PLXNA1: variants seen among roughly 807,000 people sequenced by gnomAD.
PLXNA1 encodes the protein plexin-A1.
Under a neutral mutation model 191.7 loss-of-function variants are expected in PLXNA1, and 77 were observed. The ratio of observed to expected loss-of-function variants is 0.40; its 90% CI spans 0.33 to 0.49. The LOEUF is 0.49. Among genes scored for constraint, PLXNA1 ranks in the 20% least tolerant of loss-of-function variants. The pLI, the probability that PLXNA1 is intolerant of heterozygous loss-of-function variation, is 0.63. For synonymous variants in PLXNA1, 1,137 were observed against 1,156.4 expected (o/e 0.98, Z 0.34); for missense variants, 2,110 against 2,660.2 (o/e 0.79, Z 4.55).
At chr3:127,013,940 C>G (rs2079108100) in intron 10 of PLXNA1, 80 bp from the exon 11 acceptor site, 2 of 1,293,496 alleles carry the variant, frequency 1.5e-6, no homozygotes, top group Admixed American at 3.4e-5. Context: ...AGCTGGCGCC[C>G]TGGTGGCTTT....
intron 1 of PLXNA1, among the ~76,000 whole-genome samples, chr3:126,986,902 C>T (rs901357076): frequency 6.6e-6 from 1 of 152,164 alleles, no homozygotes; most frequent in South Asian, 2.1e-4. Context: ...CTCAGCTTCC[C>T]CATCTGTAAA....
intron 27 of PLXNA1, 40 bp from the exon 28 acceptor site, chr3:127,029,834 G>A: frequency 1.3e-6 from 2 of 1,537,668 alleles, no homozygotes; most frequent in African/African-American, 1.4e-5. Flanking sequence ...GGGGGTGCGG[G>A]GTGCCAGCCA....
rs189976881 is a variant in PLXNA1, at chr3:127,025,633, A to G, written c.4363-2307A>G. ...TCCTTCCTCCCCAGCCCCTGGAACC[A>G]TTCTACTCTCTGTCTCTGTGAATCT... is the stretch of plus-strand genomic sequence containing the variant. On this transcript the variant is annotated intron_variant, in intron 23 of 31. Coordinates refer to ENST00000393409, the MANE Select transcript of PLXNA1 (RefSeq NM_032242.4). 3.0e-4 allele frequency among the ~76,000 whole-genome samples: 46 copies of G among 152,306 alleles called. 1 individual carries two copies. In the East Asian group the frequency reaches 7.9e-3, roughly 26 times the overall value.
At chr3:127,032,085 G>A (rs1468096045) in intron 29 of PLXNA1, 2 of 392,042 alleles carry the variant, frequency 5.1e-6, no homozygotes, top group Non-Finnish European at 4.8e-6. Flanking sequence ...GAGGGTGGTG[G>A]CTGTGTGGAG....
chr3:127,020,474 A>G (rs1278703385), intron 21 of PLXNA1, 130 bp downstream of exon 21: 1 of 1,191,484 alleles, frequency 8.4e-7, no homozygotes, highest in South Asian at 1.5e-5. Context: ...CCAGGCCTGC[A>G]GGGCTCTGGG....
At chr3:127,005,281 C>T in intron 7 of PLXNA1, 38 bp downstream of exon 7, 1 of 1,573,500 alleles carries the variant, frequency 6.4e-7, no homozygotes, top group South Asian at 1.2e-5. Flanking sequence ...GCTGCCTGGC[C>T]AGGTCCAGGG....
rs1379909923 is a variant in PLXNA1, at chr3:126,989,227, G to C, written c.634G>C (p.Asp212His). The C allele has an allele frequency of 6.2e-7, 1 of 1,613,654 alleles. No individual in the cohort carries two copies. The highest frequency in any genetic ancestry group is 1.1e-5 in the South Asian group (1 of 91,090). ...CCGTCGGCTCATGGCCAACGAGGAGGATGCCGACATGTTCGGCTTCGTGTA... is the reference window on the plus strand; with the variant it reads ...CCGTCGGCTCATGGCCAACGAGGAGCATGCCGACATGTTCGGCTTCGTGTA... Reference protein sequence around the residue: ...SSRRLMANEEDADMFGFVYQD... With the variant: ...SSRRLMANEEHADMFGFVYQD... Residue 212 changes from aspartate (D) to histidine (H), a missense_variant, in exon 2 of 32, where the codon GAT becomes CAT. This residue lies in a region of PLXNA1 where 903 missense variants were observed against 1,015.7 expected (regional missense o/e 0.89). Transcript: ENST00000393409.
chr3:127,009,636 C>T (rs759943679), intron 9 of PLXNA1, among the ~76,000 whole-genome samples: 5 of 145,612 alleles, frequency 3.4e-5, no homozygotes, highest in Non-Finnish European at 4.5e-5. Flanking sequence ...GAGTGTACTA[C>T]ATTCAGCTTC....
chr3:127,001,805 C>T (rs2079042123), intron 3 of PLXNA1, among the ~76,000 whole-genome samples: 1 of 152,232 alleles, frequency 6.6e-6, no homozygotes, highest in Non-Finnish European at 1.5e-5. Flanking sequence ...TCATATAATC[C>T]TCAGAACAAC....
chr3:126,983,749 C>A (rs1458556231), intron 1 of PLXNA1, among the ~76,000 whole-genome samples: 1 of 151,894 alleles, frequency 6.6e-6, no homozygotes, highest in Non-Finnish European at 1.5e-5. Flanking sequence ...AGGCCCGTCC[C>A]GGCCGCTGGA....
chr3:127,032,476 C>T lies in PLXNA1; in HGVS notation c.5321C>T (p.Ser1774Leu), dbSNP rs761304812. 7 of 1,614,090 alleles carry T rather than the reference C, an allele frequency of 4.3e-6. No homozygotes were observed. Among genetic ancestry groups the T allele is most frequent in the Non-Finnish European group, 5.9e-6 (7 of 1,180,030 alleles). Reference sequence around the variant, plus strand: ...AACAGCATCACGGACGCCTGCTTGTCGGTGGTGGCCCAGACCTTCATGGAC... The same window carrying T: ...AACAGCATCACGGACGCCTGCTTGTTGGTGGTGGCCCAGACCTTCATGGAC... ...HKNSITDACL[S>L]VVAQTFMDSC... Residue 1774 changes from serine (S) to leucine (L), a missense_variant, in exon 30 of 32, where the codon TCG (serine) becomes TTG (leucine). Ser to Leu is a moderately radical substitution (Grantham distance 145, BLOSUM62 -2). Transcript: ENST00000393409.
At position 127,003,037 on chromosome 3, in the gene PLXNA1, T is replaced by C. The variant is rs1253577762; in HGVS notation, c.1378-293T>C. On this transcript the variant is annotated intron_variant, in intron 3 of 31. Coordinates refer to ENST00000393409, the MANE Select transcript of PLXNA1 (RefSeq NM_032242.4). ...GGCCATGCTGCTCCGTGGTGGGTGC[T>C]GGGCTGTGGTTGTCTCCAGGCCCCA... Among the ~76,000 whole-genome samples, 5 of 152,278 alleles carry C rather than the reference T, an allele frequency of 3.3e-5. No homozygotes were observed. The East Asian group carries it at 9.7e-4, about 30-fold the overall frequency.
rs1576684796 is a variant in PLXNA1, at chr3:127,017,794, T to C, written c.3562T>C (p.Tyr1188His). The change falls in exon 19 of 32, where the codon TAC becomes CAC. Residue 1188 changes from tyrosine to histidine, a missense_variant. Physicochemically the swap from Tyr to His is moderately conservative, Grantham distance 83 (BLOSUM62 2). Around this residue, in one of 4 missense-constraint regions of PLXNA1, gnomAD observed 644 missense variants for 714.3 expected, o/e 0.90. Coordinates refer to ENST00000393409, the MANE Select transcript of PLXNA1 (RefSeq NM_032242.4). ...TGCACCCGGCAACTCCCGACTCAACTACACGGTGCTCATCGGCTCCACACC... is the reference window on the plus strand; with the variant it reads ...TGCACCCGGCAACTCCCGACTCAACCACACGGTGCTCATCGGCTCCACACC... ...PPAPGNSRLN[Y>H]TVLIGSTPCT... is the part of the protein sequence containing the mutation. 6.2e-7 allele frequency: 1 copy of C among 1,613,186 alleles called. No homozygotes were observed. The highest frequency in any genetic ancestry group is 8.5e-7 in the Non-Finnish European group (1 of 1,180,014).
chr3:127,015,365 T>C (rs2079117961), intron 15 of PLXNA1, 45 bp downstream of exon 15: 1 of 1,575,294 alleles, frequency 6.3e-7, no homozygotes, highest in Non-Finnish European at 8.6e-7. Flanking sequence ...CCCCTCCTCC[T>C]GTTTCAGATG....
At chr3:127,019,647 C>T (rs1279935098) in intron 20 of PLXNA1, among the ~76,000 whole-genome samples, 2 of 152,250 alleles carry the variant, frequency 1.3e-5, no homozygotes, top group African/African-American at 4.8e-5. Flanking sequence ...GGCTTCTGAT[C>T]AGATAGCCTG....
In PLXNA1 at chr3:126,988,679, G is replaced by T. The variant is rs779320185; in HGVS notation, c.86G>T (p.Gly29Val). The part of the protein sequence containing the change: ...LLLPGMWAEA[G>V]LPRAGGGSQP... ...CTGCCGGGCATGTGGGCTGAGGCAGGCTTGCCCAGGGCAGGCGGGGGTTCA... is the reference window on the plus strand; with the variant it reads ...CTGCCGGGCATGTGGGCTGAGGCAGTCTTGCCCAGGGCAGGCGGGGGTTCA... Residue 29 changes from glycine (G) to valine (V), a missense_variant, in exon 2 of 32, where the codon GGC (glycine) becomes GTC (valine). Physicochemically the swap from Gly to Val is moderately radical, Grantham distance 109. Transcript: ENST00000393409. 8.2e-6 allele frequency: 13 copies of T among 1,578,346 alleles called. No individual in the cohort carries two copies. Among genetic ancestry groups the T allele is most frequent in the South Asian group, 1.2e-5 (1 of 84,690 alleles).
In PLXNA1 at chr3:127,027,432, C is replaced by T. The variant is rs1010417172; in HGVS notation, c.4363-508C>T. The T allele has an allele frequency of 1.1e-5, 4 of 358,674 alleles. No homozygotes were observed. The Admixed American group carries it at 1.1e-4, about 10-fold the overall frequency. The allele number at this position is 358,674 out of a possible 1,614,324, so 22.2% of individuals were successfully genotyped here. On this transcript the variant is annotated intron_variant, in intron 23 of 31. Coordinates refer to ENST00000393409, the MANE Select transcript of PLXNA1 (RefSeq NM_032242.4). ...TGTGTCCCAGAGTAATATGGGGGCC[C>T]AGCTGGGTGGTCCCTAGGAGGCCAG...
Position 127,014,048 on chromosome 3 carries a change from A to G in PLXNA1, c.2342A>G (p.Asp781Gly). 6.2e-7 allele frequency: 1 copy of G among 1,613,690 alleles called. No homozygotes were observed. Among genetic ancestry groups the G allele is most frequent in the Non-Finnish European group, 8.5e-7 (1 of 1,179,974 alleles). ...TCCTACGAGGGGAACGATGTCAGCG[A>G]CCTGCCAGTGAACCTGTCAGTCGTG... is the stretch of plus-strand genomic sequence containing the variant. ...SYSYEGNDVS[D>G]LPVNLSVVWN... The change falls in exon 11 of 32, where the codon GAC (aspartate) becomes GGC (glycine). Residue 781 changes from aspartate to glycine, a missense_variant. Asp to Gly is a moderately conservative substitution (Grantham distance 94, BLOSUM62 -1). Coordinates refer to ENST00000393409, the MANE Select transcript of PLXNA1 (RefSeq NM_032242.4).
intron 23 of PLXNA1, chr3:127,026,273 G>A (rs150044197): frequency 6.6e-6 from 1 of 152,410 alleles, no homozygotes; most frequent in Non-Finnish European, 1.5e-5. Flanking sequence ...CCTGCTGCCT[G>A]GGTTGAGTGT....
Sources: gnomAD v4.1 joint callset for allele counts (sites outside exome capture counted in the v4.1 genomes callset) on GRCh38, gnomAD v4.1.1 for gene constraint, gnomAD v4.1.1 regional missense constraint, MANE v1.5 for transcripts, NCBI Gene and HGNC (gene_info 2026-07-23, HGNC 2026-07-21) for gene names.